Variants in PIK3C2G observed in about 807,000 individuals in gnomAD.
PIK3C2G encodes phosphatidylinositol 3-kinase C2 domain-containing subunit gamma.
PIK3C2G carries 168 observed loss-of-function variants against 181.1 expected under a neutral mutation model. That is an observed-to-expected ratio of 0.93 (90% CI 0.82 to 1.05). The LOEUF is 1.05. Ranked by LOEUF, PIK3C2G falls within the 50% of genes least tolerant of loss-of-function variation. The pLI is 0.00. For missense variants in PIK3C2G, 1,869 were observed against 1,732.8 expected (o/e 1.08, Z -1.40); for synonymous variants, 573 against 592.2 (o/e 0.97, Z 0.47).
intron 18 of PIK3C2G, among the ~76,000 whole-genome samples, chr12:18,462,460 T>G (rs536660484): frequency 1.8e-4 from 27 of 152,218 alleles, no homozygotes; most frequent in African/African-American, 6.3e-4. Flanking sequence ...TAAACCAGAG[T>G]GAAATCAAGT....
At chr12:18,631,148 C>T (rs1378694570) in intron 31 of PIK3C2G, among the ~76,000 whole-genome samples, 1 of 152,092 alleles carries the variant, frequency 6.6e-6, no homozygotes, top group Non-Finnish European at 1.5e-5. Flanking sequence ...TTATTTGAGA[C>T]TTTGAAGGAA....
At chr12:18,445,281 T>C (rs1037677598) in intron 18 of PIK3C2G, among the ~76,000 whole-genome samples, 3 of 152,070 alleles carry the variant, frequency 2.0e-5, no homozygotes, top group Admixed American at 6.6e-5. Context: ...TACAAACCCA[T>C]AAAAGTGGTT....
At position 18,420,146 on chromosome 12, in the gene PIK3C2G, A is replaced by G. The variant is rs116675180; in HGVS notation, c.2316-795A>G. ...CTTTAAAATTAATTCTTCTTACCAA[A>G]GCCCTAGTAATATCTAATCAATGTC... is the stretch of plus-strand genomic sequence containing the variant. On this transcript the variant is annotated intron_variant, in intron 16 of 32. Transcript: ENST00000538779. 7.6e-3 allele frequency among the ~76,000 whole-genome samples: 1,160 copies of G among 152,184 alleles called. 16 individuals carry two copies. The highest frequency in any genetic ancestry group is 0.027 in the African/African-American group (1,104 of 41,524).
chr12:18,327,949 T>C (rs538134861), intron 8 of PIK3C2G, among the ~76,000 whole-genome samples: 2 of 152,098 alleles, frequency 1.3e-5, no homozygotes, highest in South Asian at 4.1e-4. Flanking sequence ...AACTAAATCG[T>C]AGCCTTGGAG....
At chr12:18,655,696 G>T in the PIK3C2G span, among the ~76,000 whole-genome samples, 5 of 151,668 alleles carry the variant, frequency 3.3e-5, no homozygotes, top group Admixed American at 6.6e-5. Context: ...GATGAAAGTG[G>T]CACTTTACCT....
At chr12:18,406,373 T>C (rs931267375) in intron 16 of PIK3C2G, among the ~76,000 whole-genome samples, 7 of 152,176 alleles carry the variant, frequency 4.6e-5, no homozygotes, top group African/African-American at 1.4e-4. Context: ...CATACTAATT[T>C]TAATTCATTT....
At chr12:18,514,048 T>C (rs1410181856) in intron 24 of PIK3C2G, among the ~76,000 whole-genome samples, 2 of 151,898 alleles carry the variant, frequency 1.3e-5, no homozygotes, top group Non-Finnish European at 2.9e-5. Context: ...GTCTGTTTTG[T>C]TTTTATTTTT....
chr12:18,650,317 C>A (rs867177842), downstream of PIK3C2G, among the ~76,000 whole-genome samples: 2 of 101,178 alleles, frequency 2.0e-5, no homozygotes, highest in Admixed American at 9.5e-5. Context: ...CTCTCTCTCT[C>A]TCTCTCTCTC....
chr12:18,408,683 G>C (rs1944680463), intron 16 of PIK3C2G, among the ~76,000 whole-genome samples: 1 of 152,030 alleles, frequency 6.6e-6, no homozygotes, highest in Non-Finnish European at 1.5e-5. Context: ...CTAATATTCA[G>C]AATCTACGAA....
intron 1 of PIK3C2G, among the ~76,000 whole-genome samples, chr12:18,268,093 C>T (rs550400671): frequency 5.9e-5 from 9 of 152,198 alleles, no homozygotes; most frequent in African/African-American, 2.2e-4. Flanking sequence ...CATTTCTTTA[C>T]CATTTTTTCA....
Position 18,505,302 on chromosome 12 carries a change from A to G in PIK3C2G, c.3164A>G (p.Asn1055Ser). Residue 1055 changes from asparagine (N) to serine (S), a missense_variant, in exon 24 of 33, where the codon AAC becomes AGC. Transcript: ENST00000538779. Reference protein sequence around the residue: ...LKADYEKALRNFFYSCAGWCV... With the variant: ...LKADYEKALRSFFYSCAGWCV... ...TTTTCAATGAATTAGGCCTTGAGGA[A>G]CTTTTTCTACTCCTGTGCTGGCTGG... 1 of 1,596,444 alleles carries G rather than the reference A, an allele frequency of 6.3e-7. No homozygotes were observed. The highest frequency in any genetic ancestry group is 8.5e-7 in the Non-Finnish European group (1 of 1,170,776).
chr12:18,349,025 T>C (rs1474913960), intron 11 of PIK3C2G, among the ~76,000 whole-genome samples: 1 of 152,138 alleles, frequency 6.6e-6, no homozygotes, highest in Admixed American at 6.5e-5. Flanking sequence ...CACAGAGTTT[T>C]CAACAAATGT....
chr12:18,705,291 A>G, the PIK3C2G span: 1 of 1,614,126 alleles, frequency 6.2e-7, no homozygotes, highest in South Asian at 1.1e-5. Context: ...TTTTCTAAAG[A>G]GAGCACCACT....
chr12:18,699,898 T>G, the PIK3C2G span: 1 of 1,612,698 alleles, frequency 6.2e-7, no homozygotes, highest in Non-Finnish European at 8.5e-7. Flanking sequence ...TTTCTCAGCT[T>G]TCGTATAAAT....
chr12:18,389,822 T>C (rs946268419), intron 14 of PIK3C2G, among the ~76,000 whole-genome samples: 11 of 152,216 alleles, frequency 7.2e-5, no homozygotes, highest in Admixed American at 2.0e-4. Flanking sequence ...TAATTTATTA[T>C]AGGTTTGTAC....
At chr12:18,312,621 G>A (rs760419298) in intron 5 of PIK3C2G, among the ~76,000 whole-genome samples, 6 of 152,046 alleles carry the variant, frequency 3.9e-5, no homozygotes, top group Non-Finnish European at 8.8e-5. Context: ...GAAAAGCAGT[G>A]GCCATGACTT....
chr12:18,398,840 A>T (rs1944048329), intron 15 of PIK3C2G, among the ~76,000 whole-genome samples: 1 of 152,198 alleles, frequency 6.6e-6, no homozygotes, highest in East Asian at 1.9e-4. Context: ...GAAGTTAACA[A>T]CAGCAAAGAT....
At chr12:18,386,754 T>G (rs903448090) in intron 14 of PIK3C2G, among the ~76,000 whole-genome samples, 11 of 152,230 alleles carry the variant, frequency 7.2e-5, no homozygotes, top group East Asian at 5.8e-4. Flanking sequence ...ACTATTTAGC[T>G]ATTAAGAATA....
At chr12:18,440,334 A>G (rs1946674928) in intron 18 of PIK3C2G, among the ~76,000 whole-genome samples, 1 of 152,156 alleles carries the variant, frequency 6.6e-6, no homozygotes, top group Non-Finnish European at 1.5e-5. Context: ...TATAGCAATG[A>G]ATAAAAGAGA....
Sources: allele counts gnomAD v4.1 joint callset (sites outside exome capture counted in the v4.1 genomes callset), GRCh38; gene constraint gnomAD v4.1.1; transcripts MANE v1.5; gene names NCBI Gene and HGNC (gene_info 2026-07-23, HGNC 2026-07-21).